Variants in ADAMTSL2 observed in about 807,000 individuals in gnomAD.
The protein encoded by ADAMTSL2 is ADAMTS-like protein 2.
Under a neutral mutation model 117.0 loss-of-function variants are expected in ADAMTSL2, and 55 were observed. That is an observed-to-expected ratio of 0.47 (90% confidence interval 0.38 to 0.59). ADAMTSL2 has a LOEUF of 0.59. ADAMTSL2 is among the 20% of genes least tolerant of loss of function. ADAMTSL2 has a pLI of 0.00. For missense variants in ADAMTSL2, 1,182 were observed against 1,354.5 expected, an observed-to-expected ratio of 0.87 and a Z score of 2.00; for synonymous variants, 572 against 566.4, an observed-to-expected ratio of 1.01 and a Z score of -0.14.
chr9:133,535,782 G>C (rs1221604804), intron 1 of ADAMTSL2, among the ~76,000 whole-genome samples: 1 of 152,158 alleles, frequency 6.6e-6, no homozygotes, highest in Non-Finnish European at 1.5e-5. Flanking sequence ...CAGCACCTGA[G>C]CAAGGCCTGG....
Position 133,547,229 on chromosome 9 carries a change from G to A in ADAMTSL2, c.939+16G>A. On this transcript the variant is annotated intron_variant, in intron 9 of 18. Transcript: ENST00000651351. Reference sequence around the variant, plus strand: ...GAATGTCATGGTACGTGTGCCGCAGGCCTTGGGGGCCCCAGGGGCCCTGGG... The same window carrying A: ...GAATGTCATGGTACGTGTGCCGCAGACCTTGGGGGCCCCAGGGGCCCTGGG... 5.0e-6 allele frequency: 8 copies of A among 1,607,740 alleles called. No homozygotes were observed. Among genetic ancestry groups the A allele is most frequent in the Non-Finnish European group, 6.8e-6 (8 of 1,176,272 alleles).
At chr9:133,546,087 G>A (rs1377065481) in intron 8 of ADAMTSL2, among the ~76,000 whole-genome samples, 1 of 152,100 alleles carries the variant, frequency 6.6e-6, no homozygotes. Flanking sequence ...CCCTTTGGAA[G>A]ACAGAGTGTC....
chr9:133,564,506 G>C (rs1830893659), intron 12 of ADAMTSL2, among the ~76,000 whole-genome samples: 3 of 81,488 alleles, frequency 3.7e-5, no homozygotes, highest in Non-Finnish European at 5.2e-5. Flanking sequence ...GAGAGGGAGA[G>C]AGAGAGGGAG....
chr9:133,573,927 T>C lies in ADAMTSL2; in HGVS notation c.2677T>C (p.Leu893=). 6.2e-7 allele frequency: 1 copy of C among 1,614,038 alleles called. No homozygotes were observed. Among genetic ancestry groups the C allele is most frequent in the Non-Finnish European group, 8.5e-7 (1 of 1,180,010 alleles). The change falls in exon 18 of 19, where the codon TTG becomes CTG. Residue 893 remains leucine (L), a synonymous_variant. Coordinates refer to ENST00000651351, the MANE Select transcript of ADAMTSL2 (RefSeq NM_014694.4). Reference sequence around the variant, plus strand: ...CGACATCGTCCGTGGTTGCGATCCGTTGGTGAAGCCCGTTGGCAGACAGGC... The same window carrying C: ...CGACATCGTCCGTGGTTGCGATCCGCTGGTGAAGCCCGTTGGCAGACAGGC... ...GTDIVRGCDP[L]VKPVGRQACD...
intron 17 of ADAMTSL2, among the ~76,000 whole-genome samples, chr9:133,570,816 C>T (rs773493600): frequency 0.013 from 1,979 of 152,308 alleles, 21 homozygotes; most frequent in Admixed American, 0.015. Context: ...GCCCATGTGC[C>T]GGACACCGCG....
intron 11 of ADAMTSL2, among the ~76,000 whole-genome samples, chr9:133,559,234 G>T (rs1357643734): frequency 1.3e-5 from 2 of 152,220 alleles, no homozygotes; most frequent in African/African-American, 4.8e-5. Flanking sequence ...TCCCTGAAAG[G>T]ACTTACTTAT....
intron 7 of ADAMTSL2, 85 bp from the exon 8 acceptor site, chr9:133,544,385 C>G (rs1830299477): frequency 8.9e-7 from 1 of 1,128,738 alleles, no homozygotes; most frequent in Non-Finnish European, 1.4e-6. Context: ...CACCGCTCAC[C>G]CTCCAATAGC....
intron 7 of ADAMTSL2, among the ~76,000 whole-genome samples, chr9:133,541,391 C>T (rs1346364476): frequency 5.3e-5 from 8 of 151,694 alleles, no homozygotes; most frequent in Non-Finnish European, 1.0e-4. Context: ...CAGGTTCGAG[C>T]GATTCTCATT....
chr9:133,569,878 G>T (rs1389490578), intron 16 of ADAMTSL2, among the ~76,000 whole-genome samples: 1 of 152,202 alleles, frequency 6.6e-6, no homozygotes, highest in Non-Finnish European at 1.5e-5. Context: ...GGGTTGTTTT[G>T]GCTGCCTGCT....
chr9:133,536,794 G>A lies in ADAMTSL2; in HGVS notation c.82G>A (p.Gly28Arg), dbSNP rs745375757. Residue 28 changes from glycine to arginine, a missense_variant, in exon 2 of 19, where the codon GGG (glycine) becomes AGG (arginine). Gly to Arg is a moderately radical substitution (Grantham distance 125). Transcript: ENST00000651351. ...AVVAGDTVST[G>R]STDNSPTSNS... ...TGTAGCTGGGGACACAGTGTCAACC[G>A]GGTCCACGGTGAGTGGGGTGTTGTG... is the stretch of plus-strand genomic sequence containing the variant. The A allele has an allele frequency of 3.1e-5, 50 of 1,614,082 alleles. No homozygotes were observed. Among genetic ancestry groups the A allele is most frequent in the African/African-American group, 5.3e-5 (4 of 74,928 alleles).
intron 8 of ADAMTSL2, 150 bp from the exon 9 acceptor site, chr9:133,546,888 C>T: frequency 1.2e-6 from 1 of 832,050 alleles, no homozygotes; most frequent in South Asian, 1.4e-5. Flanking sequence ...CATTCACTGG[C>T]CAGACTCTCC....
At chr9:133,540,552 AT>A (rs1564494209) in intron 5 of ADAMTSL2, 45 bp from the exon 6 acceptor site, 1 of 1,608,322 alleles carries the variant, frequency 6.2e-7, no homozygotes, top group Non-Finnish European at 8.5e-7. Context: ...TGAATCCGGC[AT>A]TTCCTGCCCC....
At chr9:133,542,113 C>T (rs975276529) in intron 7 of ADAMTSL2, among the ~76,000 whole-genome samples, 11 of 152,144 alleles carry the variant, frequency 7.2e-5, no homozygotes, top group African/African-American at 2.4e-4. Context: ...TCTTGAAGGT[C>T]GAGGGAATGA....
chr9:133,573,674 C>T (rs979326885), intron 17 of ADAMTSL2, among the ~76,000 whole-genome samples, 169 bp from the exon 18 acceptor site: 2 of 152,252 alleles, frequency 1.3e-5, no homozygotes, highest in African/African-American at 2.4e-5. Flanking sequence ...GCCTTGGAGC[C>T]GCAGGTCTAG....
chr9:133,534,061 A>C (rs1328104396), upstream of ADAMTSL2, among the ~76,000 whole-genome samples: 1 of 152,164 alleles, frequency 6.6e-6, no homozygotes, highest in African/African-American at 2.4e-5. Context: ...GGGGCTGCCA[A>C]GTTGGTGCTG....
At chr9:133,556,016 G>T in intron 11 of ADAMTSL2, 86 bp downstream of exon 11, 4 of 1,540,458 alleles carry the variant, frequency 2.6e-6, no homozygotes, top group Middle Eastern at 2.4e-4. Context: ...GCCCCACTGG[G>T]GGGGTCTGGC....
chr9:133,544,664 C>A, intron 8 of ADAMTSL2, 114 bp downstream of exon 8: 2 of 942,678 alleles, frequency 2.1e-6, no homozygotes, highest in Non-Finnish European at 3.4e-6. Context: ...AGGGATGGAC[C>A]AGTGCTGTGG....
intron 8 of ADAMTSL2, among the ~76,000 whole-genome samples, chr9:133,545,498 C>T (rs985475894): frequency 3.3e-5 from 5 of 152,230 alleles, no homozygotes; most frequent in Non-Finnish European, 7.3e-5. Flanking sequence ...GCCAGCCCTC[C>T]GTATGTGCCC....
intron 7 of ADAMTSL2, among the ~76,000 whole-genome samples, chr9:133,543,301 C>G (rs1452418672): frequency 1.3e-5 from 2 of 152,250 alleles, no homozygotes; most frequent in Admixed American, 1.3e-4. Flanking sequence ...CCAGTGATAT[C>G]AGGTTGGTAG....
Sources: gnomAD v4.1 joint callset for allele counts (sites outside exome capture counted in the v4.1 genomes callset) on GRCh38, gnomAD v4.1.1 for gene constraint, MANE v1.5 for transcripts, NCBI Gene and HGNC (gene_info 2026-07-23, HGNC 2026-07-21) for gene names.